NRG1: variants seen among roughly 807,000 people sequenced by gnomAD.
NRG1 encodes neuregulin 1.
Under a neutral mutation model 63.8 loss-of-function variants are expected in NRG1, and 18 were observed. The observed-to-expected ratio is 0.28, with a 90% CI of 0.19 to 0.42. The LOEUF (loss-of-function observed/expected upper bound fraction) is 0.42. Among genes scored for constraint, NRG1 ranks in the 10% least tolerant of loss-of-function variants. The probability of loss-of-function intolerance (pLI) is 1.00; values close to 1 mark genes in which losing one functional copy is unlikely to be tolerated. For synonymous variants in NRG1, 302 were observed against 301.3 expected, an observed-to-expected ratio of 1.00 and a Z score of -0.02; for missense variants, 762 against 814.7, an observed-to-expected ratio of 0.94 and a Z score of 0.79.
intron 1 of NRG1, among the ~76,000 whole-genome samples, chr8:32,179,853 T>C (rs543498202): frequency 1.9e-4 from 29 of 152,182 alleles, no homozygotes; most frequent in Admixed American, 5.9e-4. Context: ...ACTTTTTGCA[T>C]TTAATCGGAG....
chr8:32,135,888 A>G (rs1397899254), intron 1 of NRG1, among the ~76,000 whole-genome samples: 3 of 152,166 alleles, frequency 2.0e-5, no homozygotes, highest in Admixed American at 2.0e-4. Context: ...AGCATAAAAA[A>G]GAAATCAAAA....
At chr8:32,206,505 C>G (rs1430532025) in intron 1 of NRG1, among the ~76,000 whole-genome samples, 1 of 152,196 alleles carries the variant, frequency 6.6e-6, no homozygotes, top group African/African-American at 2.4e-5. Flanking sequence ...TTGGCAATAG[C>G]TTACGAAGAC....
chr8:32,352,622 T>A (rs1379768547), intron 1 of NRG1, among the ~76,000 whole-genome samples: 1 of 152,158 alleles, frequency 6.6e-6, no homozygotes, highest in African/African-American at 2.4e-5. Flanking sequence ...GGTTCACACC[T>A]GTACTCCCAG....
chr8:32,124,664 C>A (rs899576791), intron 1 of NRG1, among the ~76,000 whole-genome samples: 1 of 151,820 alleles, frequency 6.6e-6, no homozygotes, highest in South Asian at 2.1e-4. Context: ...GTATCTATAA[C>A]GTGAATTTTT....
chr8:32,131,843 G>A (rs1056970749), intron 1 of NRG1, among the ~76,000 whole-genome samples: 2 of 152,008 alleles, frequency 1.3e-5, no homozygotes, highest in African/African-American at 4.8e-5. Flanking sequence ...TATTGACATA[G>A]CCACTAATCA....
chr8:32,024,250 G>A (rs1001504029), intron 1 of NRG1, among the ~76,000 whole-genome samples: 6 of 152,186 alleles, frequency 3.9e-5, no homozygotes, highest in African/African-American at 1.4e-4. Flanking sequence ...CTGCAAAACT[G>A]TAAGAGCATC....
At chr8:32,014,151 C>T (rs935718382) in intron 1 of NRG1, among the ~76,000 whole-genome samples, 8 of 152,096 alleles carry the variant, frequency 5.3e-5, no homozygotes, top group Non-Finnish European at 1.0e-4. Context: ...GGCAGTATGG[C>T]CATTTTCATG....
At chr8:32,392,588 T>C (rs1563401423) in intron 1 of NRG1, among the ~76,000 whole-genome samples, 1 of 152,222 alleles carries the variant, frequency 6.6e-6, no homozygotes, top group Non-Finnish European at 1.5e-5. Flanking sequence ...TAATTGCCTT[T>C]TGCTTTAAGC....
intron 1 of NRG1, among the ~76,000 whole-genome samples, chr8:32,525,885 A>G (rs1830787037): frequency 1.3e-5 from 2 of 152,194 alleles, no homozygotes; most frequent in African/African-American, 4.8e-5. Context: ...TTACAAATTC[A>G]TCAGCTGCCC....
intron 1 of NRG1, among the ~76,000 whole-genome samples, chr8:31,900,550 A>G (rs143538504): frequency 1.4e-4 from 21 of 152,334 alleles, no homozygotes; most frequent in Admixed American, 4.6e-4. Context: ...GAGTTGCATG[A>G]ACTTTAGGAA....
intron 1 of NRG1, among the ~76,000 whole-genome samples, chr8:31,770,918 C>T (rs949015302): frequency 2.0e-5 from 3 of 151,902 alleles, no homozygotes; most frequent in Admixed American, 6.6e-5. Flanking sequence ...AAGCATATAA[C>T]GTAATCATAG....
Position 32,517,302 on chromosome 8 carries a change from G to A in NRG1, c.38-78526G>A, listed in dbSNP as rs138536148. Among the ~76,000 whole-genome samples the A allele has an allele frequency of 1.4e-3, 206 of 152,116 alleles. 2 individuals are homozygous for A. Among genetic ancestry groups the A allele is most frequent in the Admixed American group, 1.9e-3 (29 of 15,272 alleles). ...GTAAAGTACTACTTCTTTTTTAGGTGTCCATTTAAGTTCAAATCCTTGAAG... is the reference window on the plus strand; with the variant it reads ...GTAAAGTACTACTTCTTTTTTAGGTATCCATTTAAGTTCAAATCCTTGAAG... On this transcript the variant is annotated intron_variant, in intron 1 of 10. Transcript: ENST00000519301.
intron 1 of NRG1, among the ~76,000 whole-genome samples, chr8:32,290,514 C>T (rs979280902): frequency 5.3e-5 from 8 of 152,014 alleles, no homozygotes; most frequent in African/African-American, 1.4e-4. Flanking sequence ...CTCAGCTTTC[C>T]GAGATTTTTT....
At chr8:31,993,051 C>T (rs997571452) in intron 1 of NRG1, among the ~76,000 whole-genome samples, 5 of 151,934 alleles carry the variant, frequency 3.3e-5, no homozygotes, top group Admixed American at 2.6e-4. Context: ...GAATTAGTAT[C>T]CTCCCTAATG....
At position 32,066,926 on chromosome 8, in the gene NRG1, A is replaced by C. The variant is rs541786947; in HGVS notation, c.37+427495A>C. Reference sequence around the variant, plus strand: ...CACATCCCTTGTAAGTTGGATTCCTAGGTATTTTATTCTCTTTGAAGCAAT... The same window carrying C: ...CACATCCCTTGTAAGTTGGATTCCTCGGTATTTTATTCTCTTTGAAGCAAT... On this transcript the variant is annotated intron_variant, in intron 1 of 10. Transcript: ENST00000519301. Among the ~76,000 whole-genome samples, 7 of 152,024 alleles carry C rather than the reference A, an allele frequency of 4.6e-5. No homozygotes were observed. The East Asian group carries it at 1.4e-3, about 30-fold the overall frequency.
chr8:32,333,729 G>A (rs16879139), intron 1 of NRG1, among the ~76,000 whole-genome samples: 14,058 of 152,128 alleles, frequency 0.092, 877 homozygotes, highest in Middle Eastern at 0.17. Context: ...ACAATGGAAC[G>A]TTATAAAACC....
intron 5 of NRG1, among the ~76,000 whole-genome samples, chr8:32,710,372 T>C (rs1408275656): frequency 6.6e-6 from 1 of 152,224 alleles, no homozygotes; most frequent in Non-Finnish European, 1.5e-5. Context: ...CCAGTGGTAT[T>C]AATTTTGCAT....
At chr8:32,187,422 G>A (rs1015102221) in intron 1 of NRG1, among the ~76,000 whole-genome samples, 1 of 151,958 alleles carries the variant, frequency 6.6e-6, no homozygotes, top group Non-Finnish European at 1.5e-5. Flanking sequence ...AATAATTAAG[G>A]GCAAGCATTT....
At chr8:32,008,582 TAAG>T (rs1480432451) in intron 1 of NRG1, among the ~76,000 whole-genome samples, 2 of 152,054 alleles carry the variant, frequency 1.3e-5, no homozygotes, top group African/African-American at 2.4e-5. Flanking sequence ...GTTAGACAAT[TAAG>T]AAGACTGGAG....
Sources: gnomAD v4.1 joint callset for allele counts (sites outside exome capture counted in the v4.1 genomes callset) on GRCh38, gnomAD v4.1.1 for gene constraint, MANE v1.5 for transcripts, NCBI Gene and HGNC (gene_info 2026-07-23, HGNC 2026-07-21) for gene names.